SPOCK1: variants seen among roughly 807,000 people sequenced by gnomAD.
The protein encoded by SPOCK1 is SPARC (osteonectin), cwcv and kazal like domains proteoglycan 1.
Under a neutral mutation model 55.3 loss-of-function variants are expected in SPOCK1, and 23 were observed. The ratio of observed to expected loss-of-function variants is 0.42; its 90% confidence interval spans 0.30 to 0.59. The LOEUF is 0.59. SPOCK1 is among the 20% of genes least tolerant of loss of function. The pLI is 0.22. For missense variants in SPOCK1, 499 were observed against 552.5 expected (o/e 0.90, Z 0.97); for synonymous variants, 226 against 221.0 (o/e 1.02, Z -0.20).
At position 137,062,525 on chromosome 5, in the gene SPOCK1, AAATAATAAT is replaced by A. The variant is rs71583272; in HGVS notation, c.589+5181_589+5189del. Among the ~76,000 whole-genome samples, 102 of 143,470 alleles carry A rather than the reference AAATAATAAT, an allele frequency of 7.1e-4. No individual in the cohort carries two copies. In the East Asian group the frequency reaches 9.7e-3, roughly 14 times the overall value. The allele number at this position is 143,470 out of a possible 152,430, so 94.1% of individuals were successfully genotyped here. A position where few individuals can be genotyped will look rare whatever the true frequency, so the allele number is the denominator to read the frequency against. ...TCCTCTTGAGATTTTCAAGCATTAT[AAATAATAAT>A]AATAATAATAATAATAATAATAATA... On this transcript the variant is annotated intron_variant, in intron 6 of 10. Transcript: ENST00000394945.
intron 3 of SPOCK1, among the ~76,000 whole-genome samples, chr5:137,226,773 G>A (rs930850039): frequency 2.6e-5 from 4 of 152,112 alleles, no homozygotes; most frequent in African/African-American, 9.7e-5. Flanking sequence ...ATTTCTACTT[G>A]TCCTTTATCC....
At chr5:137,465,500 C>A (rs562526676) in intron 2 of SPOCK1, among the ~76,000 whole-genome samples, 39 of 152,008 alleles carry the variant, frequency 2.6e-4, no homozygotes, top group African/African-American at 9.4e-4. Flanking sequence ...CAACTTGATT[C>A]TTGTTTAGCT....
chr5:137,247,409 A>G (rs1472677436), intron 3 of SPOCK1, among the ~76,000 whole-genome samples: 2 of 152,202 alleles, frequency 1.3e-5, no homozygotes, highest in Non-Finnish European at 2.9e-5. Context: ...TGGCCTTGCT[A>G]TGGTGAGTAC....
At chr5:137,359,321 T>G (rs1180211989) in intron 2 of SPOCK1, among the ~76,000 whole-genome samples, 1 of 152,166 alleles carries the variant, frequency 6.6e-6, no homozygotes, top group Non-Finnish European at 1.5e-5. Context: ...CACGGGAAGG[T>G]GAGCAAGATA....
intron 2 of SPOCK1, among the ~76,000 whole-genome samples, chr5:137,488,258 T>C (rs1278864675): frequency 1.3e-5 from 2 of 152,018 alleles, no homozygotes; most frequent in Non-Finnish European, 2.9e-5. Context: ...ATGACTGTAG[T>C]CCCAGCTACT....
chr5:137,254,705 AC>A (rs1226976030), intron 3 of SPOCK1, among the ~76,000 whole-genome samples: 3 of 152,232 alleles, frequency 2.0e-5, no homozygotes, highest in African/African-American at 7.2e-5. Context: ...AAGAATACTG[AC>A]ATTCTTAATC....
chr5:137,308,005 A>G (rs1427789338), intron 2 of SPOCK1, among the ~76,000 whole-genome samples: 2 of 152,242 alleles, frequency 1.3e-5, no homozygotes, highest in East Asian at 3.8e-4. Flanking sequence ...TGAAGATTAA[A>G]ATGATGATAT....
chr5:137,079,543 C>CCG (rs374718192), intron 5 of SPOCK1, among the ~76,000 whole-genome samples: 64,229 of 147,882 alleles, frequency 0.43, 17,231 homozygotes, highest in Non-Finnish European at 0.57. Flanking sequence ...TCCCCCCCCC[C>CCG]CCGACTTAGT....
intron 5 of SPOCK1, among the ~76,000 whole-genome samples, chr5:137,076,150 G>A (rs1326316969): frequency 6.6e-6 from 1 of 151,248 alleles, no homozygotes; most frequent in African/African-American, 2.4e-5. Context: ...AGGGCTCTCA[G>A]TGAAGGCCCA....
intron 2 of SPOCK1, among the ~76,000 whole-genome samples, chr5:137,275,839 C>A (rs533157762): frequency 1.3e-5 from 2 of 152,158 alleles, no homozygotes; most frequent in Non-Finnish European, 2.9e-5. Context: ...TTCCCTCTGC[C>A]GTTCAGGCAA....
At chr5:137,069,448 G>A (rs1395126534) in intron 5 of SPOCK1, among the ~76,000 whole-genome samples, 1 of 152,156 alleles carries the variant, frequency 6.6e-6, no homozygotes, top group Non-Finnish European at 1.5e-5. Context: ...CAACTGAGCT[G>A]ATGAAGCAAA....
chr5:137,116,970 C>T (rs1006455453), intron 4 of SPOCK1, among the ~76,000 whole-genome samples: 7 of 152,164 alleles, frequency 4.6e-5, no homozygotes, highest in Admixed American at 1.3e-4. Flanking sequence ...GGCAGTCAGG[C>T]TGCACTCCCA....
intron 3 of SPOCK1, among the ~76,000 whole-genome samples, chr5:137,143,879 T>A (rs551865230): frequency 1.3e-5 from 2 of 152,284 alleles, no homozygotes; most frequent in South Asian, 4.1e-4. Flanking sequence ...ACCTGGTCTG[T>A]GACTCCAGAA....
rs569303477 is a variant in SPOCK1, at chr5:137,454,928, T to A, written c.186+43445A>T. On this transcript the variant is annotated intron_variant, in intron 2 of 10. Transcript: ENST00000394945. ...CATTTGAATATGAAGCATATATCTATCTATCTGTTCCATTGTTTTTTACCA... is the reference window on the plus strand; with the variant it reads ...CATTTGAATATGAAGCATATATCTAACTATCTGTTCCATTGTTTTTTACCA... Among the ~76,000 whole-genome samples the A allele has an allele frequency of 5.3e-5, 8 of 152,336 alleles. No individual in the cohort carries two copies. In the South Asian group the frequency reaches 6.2e-4, roughly 12 times the overall value.
intron 3 of SPOCK1, among the ~76,000 whole-genome samples, chr5:137,259,185 C>T (rs1053544384): frequency 6.6e-6 from 1 of 152,090 alleles, no homozygotes; most frequent in Non-Finnish European, 1.5e-5. Flanking sequence ...AAGACACATG[C>T]AAACATATGT....
intron 2 of SPOCK1, among the ~76,000 whole-genome samples, chr5:137,403,811 C>T (rs939378030): frequency 2.6e-5 from 4 of 151,998 alleles, no homozygotes; most frequent in African/African-American, 4.8e-5. Flanking sequence ...GGAGGGGTAA[C>T]AGGAGGCCTG....
chr5:137,362,211 T>A (rs540855309), intron 2 of SPOCK1, among the ~76,000 whole-genome samples: 70 of 152,300 alleles, frequency 4.6e-4, no homozygotes, highest in African/African-American at 1.6e-3. Flanking sequence ...AGGTCACTGC[T>A]TTAAAAGTGA....
rs200285186 is a variant in SPOCK1, at chr5:137,196,230, AAC to A, written c.233-55538_233-55537del. ...GTGCAACCTAAGACTAATGTACAGC[AAC>A]AGTCTCCCAACTGCAGACTCCAAAC... is the stretch of plus-strand genomic sequence containing the variant. On this transcript the variant is annotated intron_variant, in intron 3 of 10. Transcript: ENST00000394945. 7.4e-3 allele frequency among the ~76,000 whole-genome samples: 1,125 copies of A among 152,264 alleles called. 14 individuals carry two copies. Among genetic ancestry groups the A allele is most frequent in the African/African-American group, 0.025 (1,050 of 41,536 alleles).
At position 137,170,419 on chromosome 5, in the gene SPOCK1, A is replaced by T. The variant is rs140149150; in HGVS notation, c.233-29725T>A. ...TGAAGCAGGTACTGCTATGGACTGAATTCTGTCCCTCCCAAAATGTGTATG... is the reference window on the plus strand; with the variant it reads ...TGAAGCAGGTACTGCTATGGACTGATTTCTGTCCCTCCCAAAATGTGTATG... On this transcript the variant is annotated intron_variant, in intron 3 of 10. Transcript: ENST00000394945. Among the ~76,000 whole-genome samples the T allele has an allele frequency of 2.6e-3, 392 of 152,280 alleles. 3 individuals carry two copies. The highest frequency in any genetic ancestry group is 0.016 in the Admixed American group (246 of 15,288).
Sources: gnomAD v4.1 joint callset for allele counts (sites outside exome capture counted in the v4.1 genomes callset) on GRCh38, gnomAD v4.1.1 for gene constraint, MANE v1.5 for transcripts, NCBI Gene and HGNC (gene_info 2026-07-23, HGNC 2026-07-21) for gene names.